CFAP54: variants seen among roughly 807,000 people sequenced by gnomAD.
CFAP54 encodes cilia- and flagella-associated protein 54.
A neutral mutation model predicts 370.4 loss-of-function variants in CFAP54; 290 were observed. The ratio of observed to expected loss-of-function variants is 0.78; its 90% CI spans 0.71 to 0.86. The LOEUF is 0.86. Ranked by LOEUF, CFAP54 falls within the 40% of genes least tolerant of loss-of-function variation. CFAP54 has a pLI of 0.00. For synonymous variants in CFAP54, 1,206 were observed against 1,236.5 expected (o/e 0.98, Z 0.52); for missense variants, 3,399 against 3,528.7 (o/e 0.96, Z 0.93).
Position 96,564,652 on chromosome 12 carries a change from A to G in CFAP54, c.2506A>G (p.Ile836Val). The G allele has an allele frequency of 1.6e-6, 1 of 641,626 alleles. No individual in the cohort carries two copies. The highest frequency in any genetic ancestry group is 2.8e-6 in the Non-Finnish European group (1 of 362,580). 39.7% of individuals were successfully genotyped at this position (641,626 alleles called of 1,614,324 possible). A position where few individuals can be genotyped will look rare whatever the true frequency, so the allele number is the denominator to read the frequency against. ...AATGTTTGTTTTTATAGAATTAAAT[A>G]TAATGAATAAAATAAAGAAGAATAC... is the stretch of plus-strand genomic sequence containing the variant. ...GSTDCFTELNIMNKIKKNTLS... is the reference protein window; with the variant it reads ...GSTDCFTELNVMNKIKKNTLS... The change falls in exon 19 of 68, where the codon ATA (isoleucine) becomes GTA (valine). Residue 836 changes from isoleucine (I) to valine (V), a missense_variant. Physicochemically the swap from Ile to Val is conservative, Grantham distance 29. Transcript: ENST00000524981.
At chr12:96,738,974 T>G (rs1432275345) in intron 50 of CFAP54, among the ~76,000 whole-genome samples, 1 of 152,230 alleles carries the variant, frequency 6.6e-6, no homozygotes, top group Non-Finnish European at 1.5e-5. Context: ...TGTCCTCATT[T>G]TAACTTGGTT....
chr12:96,552,018 G>T (rs914431379), intron 15 of CFAP54, among the ~76,000 whole-genome samples: 6 of 151,954 alleles, frequency 3.9e-5, no homozygotes, highest in African/African-American at 1.4e-4. Flanking sequence ...AGGCCAAGGC[G>T]GGTGGATCAC....
intron 66 of CFAP54, among the ~76,000 whole-genome samples, chr12:96,839,962 C>T (rs1007259644): frequency 7.2e-5 from 11 of 152,186 alleles, no homozygotes; most frequent in Admixed American, 7.2e-4. Flanking sequence ...TGCTCTATCA[C>T]CATCCATGCC....
intron 27 of CFAP54, among the ~76,000 whole-genome samples, chr12:96,622,216 T>C (rs758518063): frequency 6.6e-6 from 1 of 152,188 alleles, no homozygotes; most frequent in Non-Finnish European, 1.5e-5. Context: ...AATATCTGCC[T>C]TCCAAGCATG....
chr12:96,828,021 C>T (rs1228726171), intron 65 of CFAP54, among the ~76,000 whole-genome samples: 23 of 109,570 alleles, frequency 2.1e-4, no homozygotes, highest in African/African-American at 3.9e-4. Context: ...ATATATAATA[C>T]GTATTAATAT....
Position 96,539,154 on chromosome 12 carries a change from G to A in CFAP54, c.1926+636G>A, listed in dbSNP as rs185930509. On this transcript the variant is annotated intron_variant, in intron 13 of 67. Transcript: ENST00000524981. ...TGGCTAACTGCAACCTCTGCCTGCCGGGTTCAAGCGATTCTCCTGCCTCAG... is the reference window on the plus strand; with the variant it reads ...TGGCTAACTGCAACCTCTGCCTGCCAGGTTCAAGCGATTCTCCTGCCTCAG... Among the ~76,000 whole-genome samples the A allele has an allele frequency of 4.9e-3, 717 of 145,138 alleles. 11 individuals are homozygous for A. Among genetic ancestry groups the A allele is most frequent in the African/African-American group, 0.017 (673 of 38,742 alleles).
chr12:96,809,107 T>C (rs1191093503), intron 63 of CFAP54, among the ~76,000 whole-genome samples: 1 of 152,204 alleles, frequency 6.6e-6, no homozygotes, highest in Admixed American at 6.6e-5. Context: ...GTGACTCTGC[T>C]AGCTCTCAGT....
At position 96,489,828 on chromosome 12, in the gene CFAP54, C is replaced by T. The variant is rs1440370258; in HGVS notation, c.219C>T (p.Ala73=). 7.2e-6 allele frequency: 11 copies of T among 1,536,140 alleles called. No homozygotes were observed. The highest frequency in any genetic ancestry group is 1.2e-5 in the South Asian group (1 of 84,060). ...TGGACGCGAAAAACCCGCTCCTGGC[C>T]TCTTGTGAGAAGGAGATCCAGGAGT... is the stretch of plus-strand genomic sequence containing the variant. ...GPLDAKNPLL[A]SCEKEIQELL... The change falls in exon 1 of 68, where the codon GCC becomes GCT. Residue 73 remains alanine (A), a synonymous_variant. Transcript: ENST00000524981.
intron 26 of CFAP54, among the ~76,000 whole-genome samples, chr12:96,619,231 A>G (rs902466753): frequency 6.6e-6 from 1 of 152,140 alleles, no homozygotes; most frequent in African/African-American, 2.4e-5. Flanking sequence ...ATTTGACTTG[A>G]TTTTGTCCCT....
At chr12:96,732,329 A>G (rs1429759890) in intron 50 of CFAP54, among the ~76,000 whole-genome samples, 2 of 152,014 alleles carry the variant, frequency 1.3e-5, no homozygotes, top group Admixed American at 6.6e-5. Context: ...TTGGGGTTTC[A>G]CCATGTTGGC....
intron 58 of CFAP54, among the ~76,000 whole-genome samples, chr12:96,758,105 T>A (rs1958285848): frequency 6.6e-6 from 1 of 152,112 alleles, no homozygotes; most frequent in Admixed American, 6.5e-5. Flanking sequence ...AAGCAGTGTC[T>A]AAAACAAACT....
intron 8 of CFAP54, among the ~76,000 whole-genome samples, chr12:96,526,863 A>G (rs1592832453): frequency 7.6e-6 from 1 of 131,606 alleles, no homozygotes; most frequent in Non-Finnish European, 1.7e-5. Flanking sequence ...AGCATGCCTT[A>G]CTTTTCTTTG....
chr12:96,706,279 T>A (rs1038735774), intron 47 of CFAP54, among the ~76,000 whole-genome samples: 2 of 152,116 alleles, frequency 1.3e-5, no homozygotes, highest in African/African-American at 4.8e-5. Flanking sequence ...CAGCTGTGCA[T>A]AAAGGGAATT....
intron 19 of CFAP54, among the ~76,000 whole-genome samples, chr12:96,565,525 G>A (rs555272825): frequency 2.0e-5 from 3 of 152,140 alleles, no homozygotes; most frequent in Non-Finnish European, 4.4e-5. Flanking sequence ...GTAGGTCAAA[G>A]CTAGGAGGGG....
intron 63 of CFAP54, among the ~76,000 whole-genome samples, chr12:96,793,601 T>A (rs781494152): frequency 1.4e-4 from 21 of 152,206 alleles, no homozygotes; most frequent in Non-Finnish European, 2.5e-4. Flanking sequence ...AAATGGTAGA[T>A]CTACTTTTAA....
intron 40 of CFAP54, among the ~76,000 whole-genome samples, chr12:96,683,857 T>C (rs1957296254): frequency 1.4e-5 from 2 of 146,670 alleles, no homozygotes; most frequent in South Asian, 2.5e-4. Flanking sequence ...AGTGGCACGA[T>C]CTTGGCTCAC....
At chr12:96,803,362 A>G in intron 63 of CFAP54, among the ~76,000 whole-genome samples, 1 of 152,088 alleles carries the variant, frequency 6.6e-6, no homozygotes, top group Non-Finnish European at 1.5e-5. Context: ...TCACCATTCT[A>G]GCTGGAATGG....
intron 60 of CFAP54, among the ~76,000 whole-genome samples, chr12:96,782,192 T>C (rs1443472388): frequency 1.3e-5 from 2 of 152,042 alleles, no homozygotes; most frequent in South Asian, 2.1e-4. Context: ...CTGAAAAAAT[T>C]ACAAGTGGGA....
chr12:96,585,591 G>A (rs1956069770), intron 22 of CFAP54, among the ~76,000 whole-genome samples: 1 of 152,150 alleles, frequency 6.6e-6, no homozygotes, highest in Admixed American at 6.5e-5. Flanking sequence ...CAAGGTGCTG[G>A]GATTACAGGC....
Sources: gnomAD v4.1 joint callset for allele counts (sites outside exome capture counted in the v4.1 genomes callset) on GRCh38, gnomAD v4.1.1 for gene constraint, MANE v1.5 for transcripts, NCBI Gene and HGNC (gene_info 2026-07-23, HGNC 2026-07-21) for gene names.